The following EEIG2 variants were observed in gnomAD, a reference collection of about 807,000 sequenced individuals.
EEIG2 encodes EEIG family member 2, also known as family with sequence similarity 102 member B.
At chr1:108,560,683 C>A in the EEIG2 span, 1 of 1,223,476 alleles carries the variant, frequency 8.2e-7, no homozygotes, top group Non-Finnish European at 1.1e-6. Context: ...TAAAATCAGT[C>A]GAATTTATTG....
chr1:108,635,011 A>ACCCC, the EEIG2 span: 1 of 1,122,190 alleles, frequency 8.9e-7, no homozygotes, highest in Non-Finnish European at 1.3e-6. Flanking sequence ...TAGTAGAAAA[A>ACCCC]TACCCAGTGC....
chr1:108,613,525 T>C, the EEIG2 span, among the ~76,000 whole-genome samples: 1 of 152,188 alleles, frequency 6.6e-6, no homozygotes, highest in African/African-American at 2.4e-5. Context: ...GACCCCCACT[T>C]TCCTAAGAGC....
the EEIG2 span, among the ~76,000 whole-genome samples, chr1:108,571,951 A>G: frequency 6.6e-6 from 1 of 151,948 alleles, no homozygotes; most frequent in Non-Finnish European, 1.5e-5. Context: ...CTCCTTCTCT[A>G]TACAATTCTG....
the EEIG2 span, chr1:108,625,939 C>G: frequency 2.6e-5 from 4 of 152,274 alleles, no homozygotes; most frequent in African/African-American, 4.8e-5. Context: ...CATTAGCAGT[C>G]TGGCTTCCAT....
At chr1:108,612,721 G>A in the EEIG2 span, among the ~76,000 whole-genome samples, 2 of 152,228 alleles carry the variant, frequency 1.3e-5, no homozygotes, top group African/African-American at 2.4e-5. Context: ...GCATCTGCCC[G>A]GCTTTTTCCA....
the EEIG2 span, among the ~76,000 whole-genome samples, chr1:108,573,466 G>A: frequency 2.0e-5 from 3 of 152,170 alleles, no homozygotes; most frequent in Admixed American, 2.0e-4. Flanking sequence ...GCTGGGAAAG[G>A]GAATAGGCTG....
chr1:108,589,406 G>A, the EEIG2 span, among the ~76,000 whole-genome samples: 1 of 152,072 alleles, frequency 6.6e-6, no homozygotes, highest in Non-Finnish European at 1.5e-5. Flanking sequence ...CCCTGTCTCT[G>A]CTCCTCATAG....
chr1:108,599,562 CA>C, the EEIG2 span, among the ~76,000 whole-genome samples: 2 of 152,134 alleles, frequency 1.3e-5, no homozygotes. Flanking sequence ...CTTGAAAGAG[CA>C]AAGTTGTGGA....
chr1:108,629,278 T>G, the EEIG2 span, among the ~76,000 whole-genome samples: 1 of 152,186 alleles, frequency 6.6e-6, no homozygotes, highest in African/African-American at 2.4e-5. Context: ...TAGAAAGCAC[T>G]TAACAGTGGA....
chr1:108,590,689 C>T, the EEIG2 span, among the ~76,000 whole-genome samples: 1 of 152,304 alleles, frequency 6.6e-6, no homozygotes, highest in African/African-American at 2.4e-5. Flanking sequence ...CCTTTAAGCT[C>T]TTAACCTCTA....
the EEIG2 span, among the ~76,000 whole-genome samples, chr1:108,611,141 A>T: frequency 6.6e-6 from 1 of 152,208 alleles, no homozygotes; most frequent in African/African-American, 2.4e-5. Context: ...TGCAATTAAA[A>T]TATTCATCTT....
At chr1:108,624,914 A>G in the EEIG2 span, 1 of 610,352 alleles carries the variant, frequency 1.6e-6, no homozygotes, top group Non-Finnish European at 2.9e-6. Flanking sequence ...TGTCTAAAGT[A>G]TTGTGCTCTG....
At chr1:108,610,706 G>A in the EEIG2 span, among the ~76,000 whole-genome samples, 9 of 152,044 alleles carry the variant, frequency 5.9e-5, no homozygotes, top group Admixed American at 2.0e-4. Flanking sequence ...TAAGGCAGGC[G>A]GATCACGAGG....
At chr1:108,594,746 A>G in the EEIG2 span, among the ~76,000 whole-genome samples, 1 of 152,148 alleles carries the variant, frequency 6.6e-6, no homozygotes, top group Admixed American at 6.5e-5. Flanking sequence ...AGGACATGGA[A>G]TTGTGGGAAG....
the EEIG2 span, chr1:108,612,330 A>G: frequency 2.1e-5 from 29 of 1,393,578 alleles, no homozygotes; most frequent in Non-Finnish European, 2.8e-5. Context: ...TCAAGAATAA[A>G]ATTATCTGCC....
the EEIG2 span, among the ~76,000 whole-genome samples, chr1:108,631,584 G>A: frequency 6.6e-6 from 1 of 152,032 alleles, no homozygotes; most frequent in Non-Finnish European, 1.5e-5. Context: ...TGAATATGAT[G>A]AATACAAATA....
chr1:108,604,176 A>G, the EEIG2 span, among the ~76,000 whole-genome samples: 1 of 152,226 alleles, frequency 6.6e-6, no homozygotes. Context: ...CGTGGGAAAC[A>G]GAGAGGCAAA....
chr1:108,596,555 G>C, the EEIG2 span, among the ~76,000 whole-genome samples: 1 of 151,936 alleles, frequency 6.6e-6, no homozygotes, highest in Non-Finnish European at 1.5e-5. Flanking sequence ...AGTGAATCTG[G>C]AATGATAAAA....
the EEIG2 span, among the ~76,000 whole-genome samples, chr1:108,571,060 T>C: frequency 6.6e-6 from 1 of 152,088 alleles, no homozygotes; most frequent in Non-Finnish European, 1.5e-5. Context: ...GTCTAGGGCG[T>C]GTTGTTTGCA....
Sources: allele counts gnomAD v4.1 joint callset (sites outside exome capture counted in the v4.1 genomes callset), GRCh38; gene constraint gnomAD v4.1.1; transcripts MANE v1.5; gene names NCBI Gene and HGNC (gene_info 2026-07-23, HGNC 2026-07-21).